RILPL2: variants seen among roughly 807,000 people sequenced by gnomAD.
RILPL2 encodes RILP-like protein 2.
RILPL2 carries 19 observed loss-of-function variants against 22.2 expected under a neutral mutation model. That is an observed-to-expected ratio of 0.86 (90% CI 0.60 to 1.25). RILPL2 has a LOEUF of 1.25. Ranked by LOEUF, RILPL2 falls within the 50% of genes most tolerant of loss-of-function variation. RILPL2 has a pLI of 0.00. For missense variants in RILPL2, 243 were observed against 263.6 expected, an observed-to-expected ratio of 0.92 and a Z score of 0.54; for synonymous variants, 123 against 111.6, an observed-to-expected ratio of 1.10 and a Z score of -0.64.
chr12:123,426,500 T>A (rs532801606), intron 2 of RILPL2, among the ~76,000 whole-genome samples: 1 of 152,336 alleles, frequency 6.6e-6, no homozygotes, highest in African/African-American at 2.4e-5. Context: ...ACAAGAAGCA[T>A]CATCTAAAAT....
In RILPL2 at chr12:123,415,430, A is replaced by T. The variant is rs1006665641; in HGVS notation, c.*461T>A. The stretch of plus-strand genomic sequence containing the variant: ...TTTTACTTTAATACAAAATCACATA[A>T]AGAAAGGCATGTTGGCTAAATCAAA... On this transcript the variant is annotated 3_prime_UTR_variant, in exon 4 of 4. Coordinates refer to ENST00000280571, the MANE Select transcript of RILPL2 (RefSeq NM_145058.3). 1 of 171,642 alleles carries T rather than the reference A, an allele frequency of 5.8e-6. No individual in the cohort carries two copies. The highest frequency in any genetic ancestry group is 2.4e-5 in the African/African-American group (1 of 41,870). The allele number at this position is 171,642 out of a possible 1,614,324, so 10.6% of individuals were successfully genotyped here.
intron 1 of RILPL2, among the ~76,000 whole-genome samples, chr12:123,434,119 C>G (rs1356379556): frequency 6.6e-6 from 1 of 152,018 alleles, no homozygotes; most frequent in African/African-American, 2.4e-5. Flanking sequence ...TGAGTTTCGA[C>G]AAGAATTTTA....
At chr12:123,424,129 G>C (rs952115436) in intron 2 of RILPL2, among the ~76,000 whole-genome samples, 9 of 152,086 alleles carry the variant, frequency 5.9e-5, no homozygotes, top group Non-Finnish European at 1.2e-4. Context: ...ATGATACATA[G>C]TGCTTAACAT....
intron 2 of RILPL2, 60 bp from the exon 3 acceptor site, chr12:123,423,217 T>TC: frequency 8.2e-7 from 1 of 1,216,338 alleles, no homozygotes. Context: ...TTTTTTTTTT[T>TC]TTGAGTTGGA....
At chr12:123,435,423 G>C (rs1405646680) in intron 1 of RILPL2, among the ~76,000 whole-genome samples, 2 of 152,060 alleles carry the variant, frequency 1.3e-5, no homozygotes, top group Non-Finnish European at 2.9e-5. Context: ...GTGGTCATAT[G>C]CACTAATTTC....
Position 123,436,350 on chromosome 12 carries a change from C to CCAACCTCGTCCCTCTCCTCGTCCT in RILPL2, c.47_70dup (p.Glu16_Val23dup), listed in dbSNP as rs1566095022. ...GCTCTTGCCCAGCGCCCCCTCGGGC[C>CCAACCTCGTCCCTCTCCTCGTCCT]CAACCTCGTCCCTCTCCTCGTCCTC... On this transcript the variant is annotated inframe_insertion, in exon 1 of 4. Coordinates refer to ENST00000280571, the MANE Select transcript of RILPL2 (RefSeq NM_145058.3). This position sits in a 1 kb window ranked among gnomAD's most constrained non-coding sequence, Gnocchi z 6.7. 3.8e-6 allele frequency: 6 copies of CCAACCTCGTCCCTCTCCTCGTCCT among 1,559,072 alleles called. No individual in the cohort carries two copies. The highest frequency in any genetic ancestry group is 5.2e-6 in the Non-Finnish European group (6 of 1,151,542).
Position 123,415,819 on chromosome 12 carries a change from G to C in RILPL2, c.*72C>G. On this transcript the variant is annotated 3_prime_UTR_variant, in exon 4 of 4. Coordinates refer to ENST00000280571, the MANE Select transcript of RILPL2 (RefSeq NM_145058.3). The stretch of plus-strand genomic sequence containing the variant: ...CTAGTGTGTCTGTGTGGCACAGGGA[G>C]GTGGTTTTGCCAGGCATCTTGGAAG... The C allele has an allele frequency of 7.0e-7, 1 of 1,420,930 alleles. No individual in the cohort carries two copies. Among genetic ancestry groups the C allele is most frequent in the East Asian group, 2.3e-5 (1 of 43,972 alleles). The allele number at this position is 1,420,930 out of a possible 1,614,324, so 88.0% of individuals were successfully genotyped here. A position where few individuals can be genotyped will look rare whatever the true frequency, so the allele number is the denominator to read the frequency against.
At chr12:123,415,942 G>A (rs1879105370) in intron 3 of RILPL2, 21 bp from the exon 4 acceptor site, 1 of 1,613,932 alleles carries the variant, frequency 6.2e-7, no homozygotes, top group South Asian at 1.1e-5. Flanking sequence ...GAGAGAGAGG[G>A]TTCAGGGTAA....
rs1336346642 is a variant in RILPL2, at chr12:123,434,616, T to C, written c.339+1466A>G. ...TTTTTTTCTGTAGTTTTAGTAGAGA[T>C]AGAGTTTCACCATGTTGGCCAGGCT... On this transcript the variant is annotated intron_variant, in intron 1 of 3. Transcript: ENST00000280571. Among the ~76,000 whole-genome samples, 4 of 151,786 alleles carry C rather than the reference T, an allele frequency of 2.6e-5. 1 individual carries two copies. Among genetic ancestry groups the C allele is most frequent in the Non-Finnish European group, 1.5e-5 (1 of 67,926 alleles).
At chr12:123,422,988 A>T (rs972726826) in intron 3 of RILPL2, 56 bp downstream of exon 3, 3 of 1,293,964 alleles carry the variant, frequency 2.3e-6, no homozygotes, top group Non-Finnish European at 3.4e-6. Context: ...CTTGCCCCCG[A>T]CTACTTCCTT....
intron 3 of RILPL2, among the ~76,000 whole-genome samples, chr12:123,418,756 CTTT>C (rs1202023726): frequency 2.1e-5 from 2 of 96,250 alleles, no homozygotes; most frequent in Non-Finnish European, 4.0e-5. Context: ...CTTTTTCTTT[CTTT>C]TTTTTTTTTT....
intron 1 of RILPL2, among the ~76,000 whole-genome samples, chr12:123,431,798 C>T (rs1202138316): frequency 6.7e-6 from 1 of 149,186 alleles, no homozygotes; most frequent in Admixed American, 6.7e-5. Context: ...TGCACTCCAG[C>T]CTGGGCGACA....
chr12:123,435,124 G>A (rs187731772), intron 1 of RILPL2, among the ~76,000 whole-genome samples: 26 of 151,824 alleles, frequency 1.7e-4, no homozygotes, highest in African/African-American at 6.0e-4. Context: ...AGGTTGCAGT[G>A]AGTCGAGGTC....
chr12:123,436,551 G>T lies in RILPL2; in HGVS notation c.-131C>A. 2.1e-6 allele frequency: 3 copies of T among 1,403,868 alleles called. No homozygotes were observed. Among genetic ancestry groups the T allele is most frequent in the Non-Finnish European group, 2.8e-6 (3 of 1,066,050 alleles). The allele number at this position is 1,403,868 out of a possible 1,614,324, so 87.0% of individuals were successfully genotyped here. ...GCCCAATCAGCGCGGCCCGGGGGTG[G>T]GCCCGGGGGGATGGTGCAAGGGGCC... On this transcript the variant is annotated 5_prime_UTR_variant, in exon 1 of 4. Coordinates refer to ENST00000280571, the MANE Select transcript of RILPL2 (RefSeq NM_145058.3). This position sits in a 1 kb window ranked among gnomAD's most constrained non-coding sequence, Gnocchi z 6.7.
rs191697627 is a variant in RILPL2, at chr12:123,422,800, T to C, written c.605+244A>G. 3.3e-5 allele frequency among the ~76,000 whole-genome samples: 5 copies of C among 152,284 alleles called. No homozygotes were observed. The East Asian group carries it at 7.7e-4, about 23-fold the overall frequency. On this transcript the variant is annotated intron_variant, in intron 3 of 3. Coordinates refer to ENST00000280571, the MANE Select transcript of RILPL2 (RefSeq NM_145058.3). Reference sequence around the variant, plus strand: ...AGTAGCTATTTCTCCATCTGTAAAATAGTATCTACCTTGCAGGGTCACTGT... The same window carrying C: ...AGTAGCTATTTCTCCATCTGTAAAACAGTATCTACCTTGCAGGGTCACTGT...
chr12:123,427,227 G>A (rs1272987263), intron 2 of RILPL2, among the ~76,000 whole-genome samples: 2 of 152,112 alleles, frequency 1.3e-5, no homozygotes, highest in Non-Finnish European at 2.9e-5. Flanking sequence ...GTGCGCCCTG[G>A]TTCTCCTTCA....
At chr12:123,420,382 G>A (rs577783127) in intron 3 of RILPL2, among the ~76,000 whole-genome samples, 4 of 151,570 alleles carry the variant, frequency 2.6e-5, no homozygotes, top group African/African-American at 7.3e-5. Context: ...TTGGTGATCC[G>A]CCCACCTCGG....
At chr12:123,433,127 C>T (rs1162141519) in intron 1 of RILPL2, among the ~76,000 whole-genome samples, 6 of 135,760 alleles carry the variant, frequency 4.4e-5, no homozygotes, top group Admixed American at 3.2e-4. Context: ...TTTTTTGAGA[C>T]GAAGTCGTCT....
chr12:123,426,583 A>G (rs948704858), intron 2 of RILPL2, among the ~76,000 whole-genome samples: 8 of 152,124 alleles, frequency 5.3e-5, no homozygotes, highest in Non-Finnish European at 7.4e-5. Context: ...ATGATCTCCA[A>G]TGATGACTCT....
Sources: allele counts gnomAD v4.1 joint callset (sites outside exome capture counted in the v4.1 genomes callset), GRCh38; gene constraint gnomAD v4.1.1; non-coding constraint Gnocchi (gnomAD v3.1); transcripts MANE v1.5; gene names NCBI Gene and HGNC (gene_info 2026-07-23, HGNC 2026-07-21).